The following CNTNAP2 variants were observed in gnomAD, a reference collection of about 807,000 sequenced individuals.
CNTNAP2 encodes the protein contactin-associated protein-like 2.
Under a neutral mutation model 155.2 loss-of-function variants are expected in CNTNAP2, and 98 were observed. The ratio of observed to expected loss-of-function variants is 0.63; its 90% CI spans 0.54 to 0.75. CNTNAP2 has a LOEUF of 0.75. Ranked by LOEUF, CNTNAP2 falls within the 30% of genes least tolerant of loss-of-function variation. The probability of loss-of-function intolerance (pLI) is 0.00; values close to 1 mark genes in which losing one functional copy is unlikely to be tolerated. For synonymous variants in CNTNAP2, 651 were observed against 631.2 expected, an observed-to-expected ratio of 1.03 and a Z score of -0.47; for missense variants, 1,727 against 1,688.1, an observed-to-expected ratio of 1.02 and a Z score of -0.40.
At chr7:147,838,136 T>G (rs1321816817) in intron 13 of CNTNAP2, among the ~76,000 whole-genome samples, 1 of 152,204 alleles carries the variant, frequency 6.6e-6, no homozygotes, top group Non-Finnish European at 1.5e-5. Context: ...GTCCAACCTG[T>G]ACCTTGACCC....
intron 15 of CNTNAP2, among the ~76,000 whole-genome samples, chr7:148,117,683 C>A (rs989893830): frequency 1.3e-5 from 2 of 151,954 alleles, no homozygotes; most frequent in Non-Finnish European, 2.9e-5. Flanking sequence ...CACAGAGTAA[C>A]CCCAGGGGCT....
At chr7:146,962,485 A>G (rs917836486) in intron 3 of CNTNAP2, among the ~76,000 whole-genome samples, 14 of 152,220 alleles carry the variant, frequency 9.2e-5, no homozygotes, top group Non-Finnish European at 1.6e-4. Flanking sequence ...ACTTTGGGTA[A>G]AATATGACAT....
In CNTNAP2 at chr7:148,385,571, A is replaced by G. The variant is rs972770572; in HGVS notation, c.3715+1683A>G. ...GCACCTGTGGTCTGAGTCAGGGCCA[A>G]TAGACTAGTTTCTAAAACATCTAGA... On this transcript the variant is annotated intron_variant, in intron 22 of 23. Transcript: ENST00000361727. Among the ~76,000 whole-genome samples, 4 of 152,112 alleles carry G rather than the reference A, an allele frequency of 2.6e-5. No homozygotes were observed. The South Asian group carries it at 8.3e-4, about 32-fold the overall frequency.
chr7:147,315,615 G>A (rs1453368278), intron 9 of CNTNAP2, among the ~76,000 whole-genome samples: 1 of 151,408 alleles, frequency 6.6e-6, no homozygotes, highest in Non-Finnish European at 1.5e-5. Context: ...CTGAGTAGCT[G>A]GGACTACAGG....
chr7:147,688,004 C>T (rs1477723725), intron 13 of CNTNAP2, among the ~76,000 whole-genome samples: 1 of 152,118 alleles, frequency 6.6e-6, no homozygotes, highest in Non-Finnish European at 1.5e-5. Context: ...ATTATAAATG[C>T]TCTGCATATA....
chr7:147,019,278 T>C (rs190094315), intron 3 of CNTNAP2, among the ~76,000 whole-genome samples: 165 of 152,220 alleles, frequency 1.1e-3, no homozygotes, highest in African/African-American at 3.8e-3. Context: ...GGTGTGGTGC[T>C]GTCTCCTTGG....
At chr7:148,272,859 G>A (rs145142551) in intron 21 of CNTNAP2, among the ~76,000 whole-genome samples, 14 of 152,242 alleles carry the variant, frequency 9.2e-5, no homozygotes, top group Admixed American at 6.5e-4. Context: ...CACAAGACCC[G>A]TAAAGGAAAT....
intron 1 of CNTNAP2, among the ~76,000 whole-genome samples, chr7:146,626,497 G>A (rs981314992): frequency 6.6e-6 from 1 of 152,068 alleles, no homozygotes; most frequent in Non-Finnish European, 1.5e-5. Flanking sequence ...TTGACTTAGA[G>A]TTACTAATTT....
intron 3 of CNTNAP2, among the ~76,000 whole-genome samples, chr7:146,848,782 AT>A (rs1317818975): frequency 1.3e-5 from 2 of 152,062 alleles, no homozygotes; most frequent in African/African-American, 4.8e-5. Context: ...ACCTTTATCT[AT>A]TTATTTAGAG....
intron 1 of CNTNAP2, among the ~76,000 whole-genome samples, chr7:146,610,115 T>C (rs1175681257): frequency 6.6e-6 from 1 of 152,178 alleles, no homozygotes; most frequent in African/African-American, 2.4e-5. Context: ...ACTGCCAAAA[T>C]TGAGAAAGCT....
At chr7:146,509,737 G>A (rs963619611) in intron 1 of CNTNAP2, among the ~76,000 whole-genome samples, 3 of 152,088 alleles carry the variant, frequency 2.0e-5, no homozygotes, top group Non-Finnish European at 4.4e-5. Flanking sequence ...GCTTGTGCCT[G>A]GAGGTCCCTT....
At chr7:147,462,930 C>A (rs188042061) in intron 10 of CNTNAP2, among the ~76,000 whole-genome samples, 80 of 152,272 alleles carry the variant, frequency 5.3e-4, no homozygotes, top group African/African-American at 1.8e-3. Flanking sequence ...GTTATGAACA[C>A]ACTTGTTTTG....
intron 13 of CNTNAP2, among the ~76,000 whole-genome samples, chr7:147,876,880 T>C (rs1029249276): frequency 3.9e-5 from 6 of 152,038 alleles, no homozygotes; most frequent in Admixed American, 6.6e-5. Flanking sequence ...TGTGGGGAAC[T>C]ACGGGGCATC....
chr7:147,390,307 T>C (rs117250823), intron 9 of CNTNAP2, among the ~76,000 whole-genome samples: 321 of 152,320 alleles, frequency 2.1e-3, no homozygotes, highest in Non-Finnish European at 2.5e-3. Context: ...GTGTTTGTTA[T>C]ACTTTGTATT....
chr7:148,263,633 A>G (rs1342786911), intron 20 of CNTNAP2, among the ~76,000 whole-genome samples: 1 of 151,648 alleles, frequency 6.6e-6, no homozygotes, highest in Non-Finnish European at 1.5e-5. Context: ...GCTACTAGGG[A>G]GGCTGAGGCA....
chr7:147,046,358 G>A (rs1471806206), intron 4 of CNTNAP2, among the ~76,000 whole-genome samples: 3 of 152,060 alleles, frequency 2.0e-5, no homozygotes, highest in South Asian at 2.1e-4. Context: ...CACACAGATG[G>A]AGTCATAAAA....
chr7:147,124,108 G>A (rs918936893), intron 6 of CNTNAP2, among the ~76,000 whole-genome samples: 1 of 152,116 alleles, frequency 6.6e-6, no homozygotes, highest in African/African-American at 2.4e-5. Context: ...TAGTTTTGTT[G>A]TACTTATCTC....
At position 146,400,752 on chromosome 7, in the gene CNTNAP2, C is replaced by T. The variant is rs117800283; in HGVS notation, c.97+283779C>T. The stretch of plus-strand genomic sequence containing the variant: ...TAGTTGTTGATTGTGCTCTGGGAAA[C>T]CTTAGTGGGACACTGAAAAATGAGT... On this transcript the variant is annotated intron_variant, in intron 1 of 23. Transcript: ENST00000361727. Among the ~76,000 whole-genome samples, 133 of 152,252 alleles carry T rather than the reference C, an allele frequency of 8.7e-4. 2 individuals are homozygous for T. The East Asian group carries it at 9.3e-3, about 11-fold the overall frequency.
chr7:147,840,257 C>A (rs942624550), intron 13 of CNTNAP2, among the ~76,000 whole-genome samples: 2 of 152,066 alleles, frequency 1.3e-5, no homozygotes, highest in Non-Finnish European at 2.9e-5. Context: ...CAGACTTCCC[C>A]ACTGTACAAT....
Sources: gnomAD v4.1 joint callset for allele counts (sites outside exome capture counted in the v4.1 genomes callset) on GRCh38, gnomAD v4.1.1 for gene constraint, MANE v1.5 for transcripts, NCBI Gene and HGNC (gene_info 2026-07-23, HGNC 2026-07-21) for gene names.